The following SUPT3H variants were observed in gnomAD, a reference collection of about 807,000 sequenced individuals.
The protein encoded by SUPT3H is SPT3 homolog, SAGA and STAGA complex component, also known as transcription initiation protein SPT3 homolog.
Under a neutral mutation model 44.3 loss-of-function variants are expected in SUPT3H, and 44 were observed. The ratio of observed to expected loss-of-function variants is 0.99; its 90% CI spans 0.78 to 1.28. The LOEUF (loss-of-function observed/expected upper bound fraction) is 1.28. Among genes scored for constraint, SUPT3H ranks in the 50% most tolerant of loss-of-function variants. The pLI is 0.00. For synonymous variants in SUPT3H, 124 were observed against 125.6 expected, an observed-to-expected ratio of 0.99 and a Z score of 0.09; for missense variants, 380 against 387.1, an observed-to-expected ratio of 0.98 and a Z score of 0.15.
intron 2 of SUPT3H, among the ~76,000 whole-genome samples, chr6:45,180,571 A>G (rs1463929335): frequency 1.3e-5 from 2 of 151,104 alleles, no homozygotes; most frequent in African/African-American, 2.4e-5. Flanking sequence ...CCGCATATCT[A>G]CAACTATCTG....
At chr6:45,230,686 A>ATATATATATATTTTTTTTTTTTTT (rs796866510) in intron 2 of SUPT3H, among the ~76,000 whole-genome samples, 3 of 116,794 alleles carry the variant, frequency 2.6e-5, no homozygotes, top group Non-Finnish European at 5.5e-5. Context: ...ATATATATAT[A>ATATATATATATTTTTTTTTTTTTT]TTTTTGAGAT....
At chr6:45,223,459 C>T (rs1057342236) in intron 2 of SUPT3H, among the ~76,000 whole-genome samples, 1 of 151,938 alleles carries the variant, frequency 6.6e-6, no homozygotes, top group East Asian at 1.9e-4. Flanking sequence ...GTGTGCCATA[C>T]TAAATTCGTA....
intron 10 of SUPT3H, among the ~76,000 whole-genome samples, chr6:44,860,215 A>C (rs1402657661): frequency 6.6e-6 from 1 of 152,182 alleles, no homozygotes. Flanking sequence ...GTTGCAAATA[A>C]ATGAACTCAT....
At chr6:45,283,582 A>G (rs1485695333) in intron 2 of SUPT3H, among the ~76,000 whole-genome samples, 1 of 152,206 alleles carries the variant, frequency 6.6e-6, no homozygotes, top group Non-Finnish European at 1.5e-5. Context: ...CCAGATTCAT[A>G]AAGCAAGTCC....
intron 2 of SUPT3H, among the ~76,000 whole-genome samples, chr6:45,287,647 A>T (rs1779540506): frequency 2.0e-5 from 3 of 152,164 alleles, no homozygotes; most frequent in African/African-American, 7.2e-5. Flanking sequence ...TGGTTGCCAA[A>T]TTTCAGTTTA....
At chr6:45,100,563 A>AAAAAAAAAAAAAAAC (rs1798426937) in intron 3 of SUPT3H, among the ~76,000 whole-genome samples, 2 of 148,784 alleles carry the variant, frequency 1.3e-5, no homozygotes, top group African/African-American at 4.9e-5. Context: ...AAAAAAAAAA[A>AAAAAAAAAAAAAAAC]AGACACACAA....
intron 2 of SUPT3H, among the ~76,000 whole-genome samples, chr6:45,242,597 T>A (rs974208407): frequency 6.6e-6 from 1 of 152,198 alleles, no homozygotes; most frequent in African/African-American, 2.4e-5. Flanking sequence ...CAGTAGACTA[T>A]AATGGCCCTA....
chr6:44,999,507 T>G (rs991693604), intron 6 of SUPT3H, among the ~76,000 whole-genome samples: 2 of 152,032 alleles, frequency 1.3e-5, no homozygotes, highest in Non-Finnish European at 2.9e-5. Flanking sequence ...GTTGAAGGTG[T>G]GAGGGCAGAT....
intron 9 of SUPT3H, among the ~76,000 whole-genome samples, chr6:44,947,565 C>A (rs781107551): frequency 1.3e-5 from 2 of 151,240 alleles, no homozygotes; most frequent in Non-Finnish European, 3.0e-5. Context: ...TTTTCTTTTT[C>A]TTTCTTTGGC....
chr6:45,350,814 G>A lies in SUPT3H; in HGVS notation c.101+14387C>T, dbSNP rs550056336. ...ATATCCCAGTAGTGTCTAAATGAATGAAGTCTTTACATTTTCAGACGGATT... is the reference window on the plus strand; with the variant it reads ...ATATCCCAGTAGTGTCTAAATGAATAAAGTCTTTACATTTTCAGACGGATT... On this transcript the variant is annotated intron_variant, in intron 2 of 10. Coordinates refer to ENST00000371459, the MANE Select transcript of SUPT3H (RefSeq NM_003599.4). Among the ~76,000 whole-genome samples the A allele has an allele frequency of 1.9e-3, 283 of 152,212 alleles. 1 individual carries two copies. The highest frequency in any genetic ancestry group is 6.3e-3 in the African/African-American group (262 of 41,518).
chr6:44,839,449 G>A (rs1393379301), intron 10 of SUPT3H, among the ~76,000 whole-genome samples: 1 of 151,912 alleles, frequency 6.6e-6, no homozygotes, highest in Non-Finnish European at 1.5e-5. Flanking sequence ...GGGACTGCAG[G>A]TGTGCACCAC....
intron 2 of SUPT3H, among the ~76,000 whole-genome samples, chr6:45,201,578 C>T (rs1029518410): frequency 1.3e-5 from 2 of 151,770 alleles, no homozygotes; most frequent in Non-Finnish European, 3.0e-5. Context: ...TCATAACATG[C>T]ATAATCATTC....
rs1333793044 is a variant in SUPT3H, at chr6:45,021,663, T to C, written c.187-1031A>G. Among the ~76,000 whole-genome samples the C allele has an allele frequency of 1.8e-4, 27 of 152,178 alleles. No homozygotes were observed. In the South Asian group the frequency reaches 5.2e-3, roughly 29 times the overall value. Reference sequence around the variant, plus strand: ...CCTAACACATTTTCTTGAGAACTAATCTTTAAAATGTGACACACTATTATC... The same window carrying C: ...CCTAACACATTTTCTTGAGAACTAACCTTTAAAATGTGACACACTATTATC... On this transcript the variant is annotated intron_variant, in intron 3 of 10. Transcript: ENST00000371459.
At chr6:44,894,356 G>A (rs1561985454) in intron 10 of SUPT3H, among the ~76,000 whole-genome samples, 1 of 152,132 alleles carries the variant, frequency 6.6e-6, no homozygotes, top group Admixed American at 6.5e-5. Flanking sequence ...ATGGTTTTAG[G>A]TCTCACGTTT....
chr6:45,064,764 C>A (rs920647947), intron 3 of SUPT3H, among the ~76,000 whole-genome samples: 1 of 145,820 alleles, frequency 6.9e-6, no homozygotes, highest in African/African-American at 2.6e-5. Context: ...AGCTAACTAT[C>A]CTAAATATAT....
intron 2 of SUPT3H, among the ~76,000 whole-genome samples, chr6:45,280,540 AT>A (rs1325870010): frequency 6.6e-6 from 1 of 152,108 alleles, no homozygotes; most frequent in African/African-American, 2.4e-5. Context: ...ACAGAACCAC[AT>A]TTTCCAATCA....
chr6:45,352,026 CTT>C (rs1792160107), intron 2 of SUPT3H, among the ~76,000 whole-genome samples: 2 of 152,160 alleles, frequency 1.3e-5, no homozygotes, highest in African/African-American at 4.8e-5. Context: ...TACCTCAAAT[CTT>C]TGCCATCCCA....
chr6:45,319,741 T>C (rs1785197116), intron 2 of SUPT3H, among the ~76,000 whole-genome samples: 1 of 152,120 alleles, frequency 6.6e-6, no homozygotes, highest in African/African-American at 2.4e-5. Flanking sequence ...TAATATCAAA[T>C]ATAACTAGTT....
intron 10 of SUPT3H, among the ~76,000 whole-genome samples, chr6:44,831,410 G>T (rs1243715925): frequency 2.0e-5 from 3 of 152,146 alleles, no homozygotes; most frequent in Non-Finnish European, 4.4e-5. Context: ...AGTGTTAAGT[G>T]AATGCCTCAG....
Sources: allele counts gnomAD v4.1 joint callset (sites outside exome capture counted in the v4.1 genomes callset), GRCh38; gene constraint gnomAD v4.1.1; transcripts MANE v1.5; gene names NCBI Gene and HGNC (gene_info 2026-07-23, HGNC 2026-07-21).